Variants in MBTPS1 observed in about 807,000 individuals in gnomAD.
MBTPS1 encodes the protein membrane-bound transcription factor site-1 protease.
A neutral mutation model predicts 127.8 loss-of-function variants in MBTPS1; 94 were observed. That is an observed-to-expected ratio of 0.74 (90% CI 0.62 to 0.87). The LOEUF (loss-of-function observed/expected upper bound fraction) is 0.87, where lower values mean the gene tolerates loss of function less well. Among genes scored for constraint, MBTPS1 ranks in the 40% least tolerant of loss-of-function variants. The pLI is 0.00. For synonymous variants in MBTPS1, 632 were observed against 509.4 expected (o/e 1.24, Z -3.24); for missense variants, 1,636 against 1,353.2 (o/e 1.21, Z -3.28).
intron 5 of MBTPS1, 79 bp downstream of exon 5, chr16:84,093,632 T>C (rs1417058222): frequency 3.9e-6 from 4 of 1,014,994 alleles, no homozygotes; most frequent in Admixed American, 1.9e-5. Context: ...GAATAATTGC[T>C]GGACAGACTG....
intron 1 of MBTPS1, among the ~76,000 whole-genome samples, chr16:84,112,763 T>A (rs967495515): frequency 2.7e-5 from 4 of 150,174 alleles, no homozygotes; most frequent in African/African-American, 9.8e-5. Context: ...TCACCCGAGG[T>A]CAGGAGTTCA....
At chr16:84,114,859 C>G (rs918792679) in intron 1 of MBTPS1, among the ~76,000 whole-genome samples, 1 of 146,554 alleles carries the variant, frequency 6.8e-6, no homozygotes, top group African/African-American at 2.6e-5. Context: ...AGCGTTTCCT[C>G]AAGCAGAATT....
intron 19 of MBTPS1, 78 bp from the exon 20 acceptor site, chr16:84,060,891 T>G: frequency 7.1e-7 from 1 of 1,406,562 alleles, no homozygotes; most frequent in Non-Finnish European, 9.7e-7. Context: ...CCCAGTGCAG[T>G]GGCGCAATCA....
At chr16:84,069,817 T>G (rs2085743615) in intron 14 of MBTPS1, 49 bp downstream of exon 14, 1 of 1,528,972 alleles carries the variant, frequency 6.5e-7, no homozygotes, top group Admixed American at 1.8e-5. Flanking sequence ...TGGTGCCTCC[T>G]CCCACCACGG....
intron 8 of MBTPS1, among the ~76,000 whole-genome samples, chr16:84,088,989 C>T (rs914691935): frequency 6.6e-6 from 1 of 152,210 alleles, no homozygotes. Flanking sequence ...ACTCACAACT[C>T]TGGTAAGAAG....
rs115970054 is a variant in MBTPS1 at position 84,076,712 on chromosome 16, T to C, written c.1449-1971A>G. 3.3e-3 allele frequency among the ~76,000 whole-genome samples: 509 copies of C among 152,246 alleles called. 3 individuals are homozygous for C. Among genetic ancestry groups the C allele is most frequent in the African/African-American group, 0.011 (470 of 41,544 alleles). On this transcript the variant is annotated intron_variant, in intron 11 of 22. Transcript: ENST00000343411. ...ATACTTAAACTTACCAAGAAATGTG[T>C]AAAACCTATATGAAGACAACTGTAA...
chr16:84,094,518 GA>G (rs528083889), intron 4 of MBTPS1, among the ~76,000 whole-genome samples: 1 of 151,808 alleles, frequency 6.6e-6, no homozygotes, highest in East Asian at 1.9e-4. Flanking sequence ...AAAGCATCTA[GA>G]AAAAAAATAC....
intron 17 of MBTPS1, among the ~76,000 whole-genome samples, chr16:84,066,188 T>C (rs1471272332): frequency 6.6e-6 from 1 of 152,194 alleles, no homozygotes; most frequent in Non-Finnish European, 1.5e-5. Context: ...AGTTATTTCA[T>C]GAATAGCACT....
Position 84,098,111 on chromosome 16 carries a change from A to G in MBTPS1, c.421+942T>C, listed in dbSNP as rs149717515. ...ATAAATATGCAATTTACTATTTGAG[A>G]CTAAACTCTATTTTGACAAGCCCAA... On this transcript the variant is annotated intron_variant, in intron 3 of 22. Transcript: ENST00000343411. Among the ~76,000 whole-genome samples the G allele has an allele frequency of 2.3e-4, 35 of 152,266 alleles. No homozygotes were observed. The East Asian group carries it at 5.8e-3, about 25-fold the overall frequency.
chr16:84,090,675 A>G (rs2086092748), intron 8 of MBTPS1, among the ~76,000 whole-genome samples, 200 bp downstream of exon 8: 1 of 152,238 alleles, frequency 6.6e-6, no homozygotes, highest in Non-Finnish European at 1.5e-5. Context: ...CCTTGAGGTG[A>G]CAACTGCTGA....
intron 16 of MBTPS1, among the ~76,000 whole-genome samples, 185 bp downstream of exon 16, chr16:84,067,482 T>A (rs554862755): frequency 6.6e-6 from 1 of 152,234 alleles, no homozygotes; most frequent in South Asian, 2.1e-4. Context: ...CCTTCCAAAG[T>A]GCTGGGATTA....
At chr16:84,104,680 C>T (rs2086299718) in intron 1 of MBTPS1, among the ~76,000 whole-genome samples, 1 of 152,150 alleles carries the variant, frequency 6.6e-6, no homozygotes, top group Admixed American at 6.5e-5. Context: ...AATTTTAACA[C>T]AGCCCATGCA....
chr16:84,099,336 A>C (rs762860740), intron 2 of MBTPS1, 26 bp from the exon 3 acceptor site: 1 of 1,608,684 alleles, frequency 6.2e-7, no homozygotes. Flanking sequence ...ACAAACAAAA[A>C]TAAGATTTAC....
At chr16:84,077,249 A>AAAAAAAGAGAG (rs1555510714) in intron 11 of MBTPS1, among the ~76,000 whole-genome samples, 1 of 138,784 alleles carries the variant, frequency 7.2e-6, no homozygotes, top group Non-Finnish European at 1.5e-5. Context: ...AAAAAAAAAA[A>AAAAAAAGAGAG]AGAGAGAGAG....
intron 5 of MBTPS1, 49 bp downstream of exon 5, chr16:84,093,662 C>T (rs766465595): frequency 8.1e-7 from 1 of 1,240,594 alleles, no homozygotes; most frequent in South Asian, 1.2e-5. Context: ...GCACTAAACA[C>T]ACTCTCAGTC....
At chr16:84,059,126 C>A (rs76029154) in intron 21 of MBTPS1, among the ~76,000 whole-genome samples, 176 bp downstream of exon 21, 2,371 of 152,300 alleles carry the variant, frequency 0.016, 22 homozygotes, top group Non-Finnish European at 0.026. Flanking sequence ...AGGATACCAC[C>A]AAAGAGCCTA....
intron 5 of MBTPS1, 101 bp downstream of exon 5, chr16:84,093,610 T>G (rs1235628520): frequency 1.1e-6 from 1 of 874,770 alleles, no homozygotes; most frequent in African/African-American, 1.6e-5. Flanking sequence ...CAATAACACC[T>G]TGGGCTTGTC....
chr16:84,115,002 CA>C (rs1341080848), intron 1 of MBTPS1, among the ~76,000 whole-genome samples: 32 of 151,852 alleles, frequency 2.1e-4, no homozygotes, highest in African/African-American at 7.7e-4. Flanking sequence ...GATCTTGGCT[CA>C]CTACAACCTC....
chr16:84,097,418 C>T (rs956375049), intron 3 of MBTPS1, among the ~76,000 whole-genome samples: 4 of 152,142 alleles, frequency 2.6e-5, no homozygotes, highest in Non-Finnish European at 4.4e-5. Context: ...ATGGAAAAGA[C>T]GCTTACTGCT....
Sources: gnomAD v4.1 joint callset for allele counts (sites outside exome capture counted in the v4.1 genomes callset) on GRCh38, gnomAD v4.1.1 for gene constraint, MANE v1.5 for transcripts, NCBI Gene and HGNC (gene_info 2026-07-23, HGNC 2026-07-21) for gene names.